Variants in TTC28 observed in about 807,000 individuals in gnomAD.
TTC28 encodes the protein tetratricopeptide repeat protein 28.
TTC28 carries 61 observed loss-of-function variants against 198.0 expected under a neutral mutation model. The observed-to-expected ratio is 0.31, with a 90% CI of 0.25 to 0.38. The LOEUF (loss-of-function observed/expected upper bound fraction) is 0.38. Among genes scored for constraint, TTC28 ranks in the 10% least tolerant of loss-of-function variants. The pLI is 1.00. For synonymous variants in TTC28, 1,171 were observed against 1,297.8 expected, an observed-to-expected ratio of 0.90 and a Z score of 2.10; for missense variants, 2,678 against 3,164.0, an observed-to-expected ratio of 0.85 and a Z score of 3.69.
chr22:28,043,918 G>A (rs1009627957), intron 12 of TTC28, among the ~76,000 whole-genome samples: 3 of 152,100 alleles, frequency 2.0e-5, no homozygotes, highest in African/African-American at 7.2e-5. Context: ...ACCCATGAGG[G>A]CAGAGACAAG....
chr22:28,538,631 C>A (rs2049348538), intron 2 of TTC28, among the ~76,000 whole-genome samples: 1 of 147,188 alleles, frequency 6.8e-6, no homozygotes. Flanking sequence ...ACAATCTCAG[C>A]TCACTGCAAC....
In TTC28 at chr22:27,978,794, G is replaced by GA. The variant is rs1468281542; in HGVS notation, c.*3426dup. ...TGAGTCATTTACTGGAGAGAATTAA[G>GA]AAAGCTTTGACTCCCTTGCTCTGTG... is the stretch of plus-strand genomic sequence containing the variant. On this transcript the variant is annotated 3_prime_UTR_variant, in exon 23 of 23. Coordinates refer to ENST00000397906, the MANE Select transcript of TTC28 (RefSeq NM_001145418.2). 3.3e-5 allele frequency: 5 copies of GA among 152,216 alleles called. No homozygotes were observed. The highest frequency in any genetic ancestry group is 1.2e-4 in the African/African-American group (5 of 41,452). 9.4% of individuals were successfully genotyped at this position (152,216 alleles called of 1,614,324 possible).
chr22:28,154,321 A>ATTTTTTTTTTTTTTTTTTTTTT (rs10537660), intron 6 of TTC28, among the ~76,000 whole-genome samples: 1 of 137,356 alleles, frequency 7.3e-6, no homozygotes. Flanking sequence ...AAAGATGGCC[A>ATTTTTTTTTTTTTTTTTTTTTT]TTTTTTTTTT....
At chr22:28,251,258 G>C (rs1930487865) in intron 5 of TTC28, among the ~76,000 whole-genome samples, 1 of 152,198 alleles carries the variant, frequency 6.6e-6, no homozygotes, top group Admixed American at 6.5e-5. Context: ...CTTTTGTAAG[G>C]AGCAGTTTGG....
At chr22:28,422,620 T>G (rs919600049) in intron 2 of TTC28, among the ~76,000 whole-genome samples, 1 of 151,776 alleles carries the variant, frequency 6.6e-6, no homozygotes, top group Non-Finnish European at 1.5e-5. Flanking sequence ...TTGTAATTTT[T>G]TTTTTTAGTA....
intron 11 of TTC28, among the ~76,000 whole-genome samples, chr22:28,095,678 T>C (rs1286218404): frequency 6.6e-6 from 1 of 152,220 alleles, no homozygotes; most frequent in African/African-American, 2.4e-5. Context: ...AGGAGATTTT[T>C]ACTTCTGAAA....
chr22:28,618,861 GAAAATAT>G, intron 2 of TTC28, among the ~76,000 whole-genome samples: 1 of 152,020 alleles, frequency 6.6e-6, no homozygotes, highest in Non-Finnish European at 1.5e-5. Context: ...TTGAAATAAA[GAAAATAT>G]ATCACACATA....
chr22:28,036,424 T>C lies in TTC28; in HGVS notation c.3933-6058A>G, dbSNP rs113794080. On this transcript the variant is annotated intron_variant, in intron 12 of 22. Transcript: ENST00000397906. ...AACCTGCTCCTGAATGATTACTGGG[T>C]ACGTAACAAAATGAAGGCAGAAATA... Among the ~76,000 whole-genome samples the C allele has an allele frequency of 3.3e-3, 503 of 152,230 alleles. 1 individual carries two copies. Among genetic ancestry groups the C allele is most frequent in the Non-Finnish European group, 5.9e-3 (402 of 68,022 alleles).
intron 2 of TTC28, among the ~76,000 whole-genome samples, chr22:28,375,844 G>T (rs2046401187): frequency 6.6e-6 from 1 of 152,228 alleles, no homozygotes; most frequent in Admixed American, 6.5e-5. Flanking sequence ...TCTCCAGGAA[G>T]TGGGATAGTC....
chr22:28,037,469 C>A (rs1233511977), intron 12 of TTC28, among the ~76,000 whole-genome samples: 1 of 152,136 alleles, frequency 6.6e-6, no homozygotes, highest in Non-Finnish European at 1.5e-5. Context: ...ATTCAACAAC[C>A]CTTCATGCTA....
intron 5 of TTC28, among the ~76,000 whole-genome samples, chr22:28,169,677 T>G (rs1004753583): frequency 6.6e-6 from 1 of 151,890 alleles, no homozygotes; most frequent in East Asian, 1.9e-4. Flanking sequence ...TTGTGGGTTG[T>G]GGGGAGCGGG....
At chr22:28,080,242 A>G (rs931288044) in intron 12 of TTC28, among the ~76,000 whole-genome samples, 6 of 152,094 alleles carry the variant, frequency 3.9e-5, no homozygotes, top group African/African-American at 9.7e-5. Context: ...CACTAATTCT[A>G]TTTTTTAGAG....
chr22:28,432,286 A>AAAAT (rs548317275), intron 2 of TTC28, among the ~76,000 whole-genome samples: 19 of 151,654 alleles, frequency 1.3e-4, no homozygotes, highest in East Asian at 1.9e-4. Flanking sequence ...ACTCTGTCTC[A>AAAAT]AAATAAATAA....
intron 5 of TTC28, among the ~76,000 whole-genome samples, chr22:28,241,213 T>G (rs1929631416): frequency 6.6e-6 from 1 of 152,176 alleles, no homozygotes; most frequent in Admixed American, 6.5e-5. Flanking sequence ...GTATCACTTC[T>G]GTAGTATTTT....
intron 12 of TTC28, among the ~76,000 whole-genome samples, chr22:28,067,203 A>G (rs969977417): frequency 3.9e-5 from 6 of 152,206 alleles, no homozygotes; most frequent in Non-Finnish European, 7.3e-5. Flanking sequence ...GCTAAAGGTC[A>G]TGTAGCTAGT....
intron 2 of TTC28, among the ~76,000 whole-genome samples, chr22:28,593,472 G>GGTAC (rs979572321): frequency 2.1e-5 from 1 of 46,944 alleles, no homozygotes; most frequent in African/African-American, 9.0e-5. Context: ...TAGGTAGCTA[G>GGTAC]GTAGGTAGGT....
intron 5 of TTC28, among the ~76,000 whole-genome samples, chr22:28,209,683 C>A (rs1283382641): frequency 6.6e-6 from 1 of 152,222 alleles, no homozygotes; most frequent in African/African-American, 2.4e-5. Flanking sequence ...GGAGGCCTGC[C>A]TGCCTCTGCA....
intron 2 of TTC28, among the ~76,000 whole-genome samples, chr22:28,526,916 C>A (rs556158178): frequency 6.6e-6 from 1 of 152,140 alleles, no homozygotes; most frequent in South Asian, 2.1e-4. Flanking sequence ...GCCACCATGC[C>A]TGGCTAATTT....
intron 2 of TTC28, among the ~76,000 whole-genome samples, chr22:28,522,933 A>G (rs1171391304): frequency 2.0e-5 from 3 of 152,110 alleles, no homozygotes; most frequent in African/African-American, 7.3e-5. Context: ...TCTTTTTGGA[A>G]TGATAAAAAT....
Sources: allele counts gnomAD v4.1 joint callset (sites outside exome capture counted in the v4.1 genomes callset), GRCh38; gene constraint gnomAD v4.1.1; transcripts MANE v1.5; gene names NCBI Gene and HGNC (gene_info 2026-07-23, HGNC 2026-07-21).